RIPK2: variants seen among roughly 807,000 people sequenced by gnomAD.
The protein encoded by RIPK2 is receptor interacting serine/threonine kinase 2.
A neutral mutation model predicts 60.9 loss-of-function variants in RIPK2; 38 were observed. The ratio of observed to expected loss-of-function variants is 0.62; its 90% confidence interval spans 0.48 to 0.82. The LOEUF (loss-of-function observed/expected upper bound fraction) is 0.82. Among genes scored for constraint, RIPK2 ranks in the 40% least tolerant of loss-of-function variants. The pLI is 0.00. For missense variants in RIPK2, 518 were observed against 647.0 expected (o/e 0.80, Z 2.16); for synonymous variants, 225 against 223.4 (o/e 1.01, Z -0.06).
chr8:89,784,251 G>A, intron 8 of RIPK2, 112 bp downstream of exon 8: 1 of 628,824 alleles, frequency 1.6e-6, no homozygotes, highest in Non-Finnish European at 2.6e-6. Context: ...CTAAAGCCCA[G>A]GGAGCTTTTA....
chr8:89,777,778 A>C (rs911171283), intron 6 of RIPK2, among the ~76,000 whole-genome samples: 8 of 152,156 alleles, frequency 5.3e-5, no homozygotes, highest in Non-Finnish European at 1.0e-4. Flanking sequence ...AGGTACCATC[A>C]TTGATTTATA....
intron 3 of RIPK2, among the ~76,000 whole-genome samples, chr8:89,768,969 C>T (rs1204446289): frequency 6.6e-6 from 1 of 151,722 alleles, no homozygotes; most frequent in African/African-American, 2.4e-5. Context: ...TAGGATTTCC[C>T]ATACTCCCTT....
intron 6 of RIPK2, among the ~76,000 whole-genome samples, chr8:89,774,144 C>T (rs188077991): frequency 6.6e-6 from 1 of 151,678 alleles, no homozygotes; most frequent in Non-Finnish European, 1.5e-5. Context: ...AAAATATTTG[C>T]ATAACATGTA....
chr8:89,778,508 CTCTG>C (rs1809440077), intron 6 of RIPK2, among the ~76,000 whole-genome samples: 1 of 152,170 alleles, frequency 6.6e-6, no homozygotes, highest in African/African-American at 2.4e-5. Context: ...GTAATCTATT[CTCTG>C]TCTTTCTAGA....
At chr8:89,774,731 A>T (rs963256752) in intron 6 of RIPK2, among the ~76,000 whole-genome samples, 2 of 152,186 alleles carry the variant, frequency 1.3e-5, no homozygotes, top group Admixed American at 1.3e-4. Flanking sequence ...ACATATTGAT[A>T]GTCTGGACTG....
rs534097498 is a variant in RIPK2 at position 89,784,896 on chromosome 8, G to A, written c.1029+757G>A. On this transcript the variant is annotated intron_variant, in intron 8 of 10. Transcript: ENST00000220751. ...TCATGTTGGAAAGTAGAAGGGGAGC[G>A]AGCTATGCAGAGAAATCACATGGTG... Among the ~76,000 whole-genome samples, 11 of 152,260 alleles carry A rather than the reference G, an allele frequency of 7.2e-5. No homozygotes were observed. In the South Asian group the frequency reaches 1.5e-3, roughly 20 times the overall value.
At position 89,772,788 on chromosome 8, in the gene RIPK2, T is replaced by C. The variant is rs1809335928; in HGVS notation, c.813T>C (p.Ser271=). Residue 271 remains serine (S), a synonymous_variant, in exon 6 of 11, where the codon AGT becomes AGC. Transcript: ENST00000220751. ...CACGTATGATCTCTCTAATAGAAAG[T>C]GGATGGGCACAAAATCCAGATGAAA... The part of the protein sequence containing the change: ...HRARMISLIE[S]GWAQNPDERP... 6.2e-7 allele frequency: 1 copy of C among 1,608,976 alleles called. No individual in the cohort carries two copies. Among genetic ancestry groups the C allele is most frequent in the Middle Eastern group, 1.7e-4 (1 of 6,032 alleles).
At chr8:89,767,543 A>T (rs980624979) in intron 3 of RIPK2, among the ~76,000 whole-genome samples, 1 of 151,598 alleles carries the variant, frequency 6.6e-6, no homozygotes, top group Non-Finnish European at 1.5e-5. Flanking sequence ...AAAAGAGACT[A>T]ATCTATTCCA....
At position 89,762,921 on chromosome 8, in the gene RIPK2, A is replaced by G; in HGVS notation, c.266A>G (p.Glu89Gly). 6.5e-7 allele frequency: 1 copy of G among 1,533,276 alleles called. No individual in the cohort carries two copies. The highest frequency in any genetic ancestry group is 1.3e-5 in the South Asian group (1 of 75,026). The allele number at this position is 1,533,276 out of a possible 1,614,324, so 95.0% of individuals were successfully genotyped here. ...ATTTTGGGAATTTGCAATGAGCCTGAATTTTTGGGAATAGTTACTGAATAC... is the reference window on the plus strand; with the variant it reads ...ATTTTGGGAATTTGCAATGAGCCTGGATTTTTGGGAATAGTTACTGAATAC... ...LPILGICNEP[E>G]FLGIVTEYMP... Residue 89 changes from glutamate (E) to glycine (G), a missense_variant, in exon 2 of 11, where the codon GAA (glutamate) becomes GGA (glycine). Transcript: ENST00000220751.
intron 1 of RIPK2, among the ~76,000 whole-genome samples, chr8:89,762,031 C>CAA (rs35751963): frequency 5.4e-5 from 8 of 147,018 alleles, no homozygotes; most frequent in African/African-American, 2.0e-4. Context: ...CTTGTCTCTA[C>CAA]AAAAAAAAAA....
At chr8:89,783,380 T>C (rs372747865) in intron 7 of RIPK2, among the ~76,000 whole-genome samples, 2 of 152,334 alleles carry the variant, frequency 1.3e-5, no homozygotes, top group South Asian at 2.1e-4. Context: ...TTACAAGTAA[T>C]GTTTGGGCCT....
In RIPK2 at chr8:89,790,562, G is replaced by A. The variant is rs932843019; in HGVS notation, c.*146G>A. On this transcript the variant is annotated 3_prime_UTR_variant, in exon 11 of 11. Coordinates refer to ENST00000220751, the MANE Select transcript of RIPK2 (RefSeq NM_003821.6). ...ATTAGTCTCCCTCCATGACACTGCA[G>A]TATTTTTTTTAATTAATACAAGTAA... 1.8e-6 allele frequency: 1 copy of A among 550,302 alleles called. No homozygotes were observed. Among genetic ancestry groups the A allele is most frequent in the African/African-American group, 1.9e-5 (1 of 52,578 alleles). 34.1% of individuals were successfully genotyped at this position (550,302 alleles called of 1,614,324 possible). A position where few individuals can be genotyped will look rare whatever the true frequency, so the allele number is the denominator to read the frequency against.
At chr8:89,769,565 A>G (rs1809280205) in intron 3 of RIPK2, among the ~76,000 whole-genome samples, 1 of 151,890 alleles carries the variant, frequency 6.6e-6, no homozygotes, top group South Asian at 2.1e-4. Flanking sequence ...ACTTTAACTC[A>G]GTATGTATTG....
chr8:89,788,782 A>AAG (rs202143329), intron 9 of RIPK2, among the ~76,000 whole-genome samples: 5 of 151,596 alleles, frequency 3.3e-5, no homozygotes, highest in Admixed American at 6.6e-5. Flanking sequence ...CCATCTAAGA[A>AAG]AGAGAGAGAG....
chr8:89,787,060 G>A lies in RIPK2; in HGVS notation c.1123+374G>A, dbSNP rs552088840. ...GGGCACCTGTAGTCTCAGCTACTTC[G>A]GAGGCTGAGGCGGAAAGATCGCTTG... On this transcript the variant is annotated intron_variant, in intron 9 of 10. Transcript: ENST00000220751. Among the ~76,000 whole-genome samples, 8 of 152,126 alleles carry A rather than the reference G, an allele frequency of 5.3e-5. No individual in the cohort carries two copies. In the South Asian group the frequency reaches 1.5e-3, roughly 28 times the overall value.
chr8:89,762,181 G>T (rs1554596722), intron 1 of RIPK2, among the ~76,000 whole-genome samples: 1 of 149,826 alleles, frequency 6.7e-6, no homozygotes, highest in African/African-American at 2.5e-5. Context: ...AAGAAAAATA[G>T]AAAAAAAAAT....
chr8:89,790,586 A>G lies in RIPK2; in HGVS notation c.*170A>G. On this transcript the variant is annotated 3_prime_UTR_variant, in exon 11 of 11. Coordinates refer to ENST00000220751, the MANE Select transcript of RIPK2 (RefSeq NM_003821.6). ...AGTATTTTTTTTAATTAATACAAGT[A>G]AAAAGTTTGAATTTTGCTACATAGT... 1 of 511,972 alleles carries G rather than the reference A, an allele frequency of 2.0e-6. No individual in the cohort carries two copies. The highest frequency in any genetic ancestry group is 3.4e-6 in the Non-Finnish European group (1 of 296,556). 31.7% of individuals were successfully genotyped at this position (511,972 alleles called of 1,614,324 possible).
intron 3 of RIPK2, among the ~76,000 whole-genome samples, chr8:89,765,980 C>T (rs1370639882): frequency 6.6e-6 from 1 of 151,796 alleles, no homozygotes; most frequent in East Asian, 1.9e-4. Context: ...AAAGATAACA[C>T]TCATCCTACC....
chr8:89,773,253 C>G (rs991902708), intron 6 of RIPK2, among the ~76,000 whole-genome samples: 1 of 151,926 alleles, frequency 6.6e-6, no homozygotes, highest in African/African-American at 2.4e-5. Context: ...AGGTAATAGA[C>G]TAATTAAGGG....
Sources: allele counts gnomAD v4.1 joint callset (sites outside exome capture counted in the v4.1 genomes callset), GRCh38; gene constraint gnomAD v4.1.1; transcripts MANE v1.5; gene names NCBI Gene and HGNC (gene_info 2026-07-23, HGNC 2026-07-21).